The following UBE2G1 variants were observed in gnomAD, a reference collection of about 807,000 sequenced individuals.
UBE2G1 encodes ubiquitin conjugating enzyme E2 G1, also known as ubiquitin-conjugating enzyme E2 G1.
A neutral mutation model predicts 22.7 loss-of-function variants in UBE2G1; 5 were observed. That is an observed-to-expected ratio of 0.22 (90% confidence interval 0.12 to 0.46). The LOEUF (loss-of-function observed/expected upper bound fraction) is 0.46. Ranked by LOEUF, UBE2G1 falls within the 20% of genes least tolerant of loss-of-function variation. The pLI, the probability that UBE2G1 is intolerant of heterozygous loss-of-function variation, is 0.99. For missense variants in UBE2G1, 88 were observed against 203.9 expected (o/e 0.43, Z 3.46); for synonymous variants, 74 against 67.5 (o/e 1.10, Z -0.47).
chr17:4,365,932 G>A (rs998765871), intron 1 of UBE2G1, among the ~76,000 whole-genome samples: 65 of 152,048 alleles, frequency 4.3e-4, no homozygotes, highest in Admixed American at 1.1e-3. Flanking sequence ...CCCGGGACCC[G>A]CCCCTCCAAG....
intron 1 of UBE2G1, among the ~76,000 whole-genome samples, chr17:4,364,684 A>T (rs932354276): frequency 1.3e-5 from 2 of 151,352 alleles, no homozygotes; most frequent in South Asian, 4.2e-4. Context: ...CGTTCAAGCA[A>T]TTCTCCCGCC....
chr17:4,274,430 C>T (rs1313234674), intron 5 of UBE2G1, among the ~76,000 whole-genome samples: 1 of 152,042 alleles, frequency 6.6e-6, no homozygotes, highest in Admixed American at 6.5e-5. Flanking sequence ...ATCTTCTGAC[C>T]TCGTGATCTG....
intron 5 of UBE2G1, 101 bp from the exon 6 acceptor site, chr17:4,272,617 C>T (rs940697292): frequency 5.4e-6 from 1 of 186,358 alleles, no homozygotes; most frequent in African/African-American, 2.4e-5. Context: ...ACAACAAATC[C>T]TTAATTTCAT....
intron 1 of UBE2G1, among the ~76,000 whole-genome samples, chr17:4,348,228 A>C (rs1969802665): frequency 6.6e-6 from 1 of 152,102 alleles, no homozygotes. Context: ...ACTGCACTCC[A>C]GTCTAGGTGA....
At chr17:4,320,331 A>G (rs1598193108) in intron 1 of UBE2G1, among the ~76,000 whole-genome samples, 1 of 152,214 alleles carries the variant, frequency 6.6e-6, no homozygotes, top group African/African-American at 2.4e-5. Flanking sequence ...AGAGGTTTTT[A>G]TAGATTTTCT....
intron 1 of UBE2G1, among the ~76,000 whole-genome samples, chr17:4,355,634 C>G (rs1035064954): frequency 1.4e-5 from 2 of 142,992 alleles, no homozygotes; most frequent in Non-Finnish European, 3.0e-5. Flanking sequence ...AAGAGTGAAA[C>G]TCCATCTCAA....
intron 1 of UBE2G1, among the ~76,000 whole-genome samples, chr17:4,354,474 C>A (rs1403781594): frequency 1.3e-5 from 2 of 152,046 alleles, no homozygotes; most frequent in Non-Finnish European, 2.9e-5. Flanking sequence ...CTCAGGAGGT[C>A]TTTTAACTCT....
intron 1 of UBE2G1, among the ~76,000 whole-genome samples, chr17:4,357,052 T>C (rs776557569): frequency 2.0e-5 from 3 of 152,216 alleles, no homozygotes; most frequent in Middle Eastern, 3.4e-3. Context: ...CCATATACTT[T>C]ATAGTCCCCC....
At chr17:4,355,188 A>C (rs1328270296) in intron 1 of UBE2G1, among the ~76,000 whole-genome samples, 1 of 151,638 alleles carries the variant, frequency 6.6e-6, no homozygotes, top group Admixed American at 6.6e-5. Flanking sequence ...TCTTAGTAGA[A>C]ATGGGGTTTC....
intron 1 of UBE2G1, among the ~76,000 whole-genome samples, chr17:4,310,486 A>G (rs1275496128): frequency 1.3e-5 from 2 of 152,164 alleles, no homozygotes; most frequent in Admixed American, 1.3e-4. Flanking sequence ...TAGGTAGAGG[A>G]GCATGTACAA....
At chr17:4,315,112 T>C (rs1346372178) in intron 1 of UBE2G1, among the ~76,000 whole-genome samples, 1 of 152,030 alleles carries the variant, frequency 6.6e-6, no homozygotes, top group East Asian at 1.9e-4. Context: ...TACAGACAAA[T>C]GATCATGTTT....
At chr17:4,330,098 C>T (rs1167988839) in intron 1 of UBE2G1, among the ~76,000 whole-genome samples, 3 of 152,014 alleles carry the variant, frequency 2.0e-5, no homozygotes, top group Admixed American at 2.0e-4. Flanking sequence ...GCTAGACCAC[C>T]CAGAGCCATG....
intron 1 of UBE2G1, chr17:4,331,680 C>A (rs1184762653): frequency 6.6e-6 from 1 of 151,408 alleles, no homozygotes; most frequent in African/African-American, 2.4e-5. Context: ...TTAAAAAGAC[C>A]AGGTGGATTG....
At chr17:4,330,897 C>G (rs1040979693) in intron 1 of UBE2G1, among the ~76,000 whole-genome samples, 1 of 150,578 alleles carries the variant, frequency 6.6e-6, no homozygotes. Flanking sequence ...GTGCCCTGGC[C>G]AGAAAAATAA....
At chr17:4,303,210 G>A (rs998108179) in intron 2 of UBE2G1, among the ~76,000 whole-genome samples, 1 of 152,130 alleles carries the variant, frequency 6.6e-6, no homozygotes, top group African/African-American at 2.4e-5. Flanking sequence ...GGACTGCTGA[G>A]CAGTGACCCT....
chr17:4,293,189 T>C (rs1277068816), intron 3 of UBE2G1, among the ~76,000 whole-genome samples: 2 of 152,200 alleles, frequency 1.3e-5, no homozygotes, highest in African/African-American at 4.8e-5. Context: ...TTTCGGTCTC[T>C]ATGGATTTGT....
chr17:4,331,674 A>T (rs1485233457), intron 1 of UBE2G1: 1 of 152,240 alleles, frequency 6.6e-6, no homozygotes, highest in Non-Finnish European at 1.5e-5. Flanking sequence ...AGTATATTAA[A>T]AAGACCAGGT....
intron 1 of UBE2G1, among the ~76,000 whole-genome samples, chr17:4,356,463 G>A (rs181589308): frequency 1.5e-4 from 23 of 152,322 alleles, no homozygotes; most frequent in Middle Eastern, 3.4e-3. Flanking sequence ...TTGCGTTCCC[G>A]CAGCATCTCA....
chr17:4,307,501 A>G (rs774741645), intron 1 of UBE2G1, among the ~76,000 whole-genome samples: 3 of 152,230 alleles, frequency 2.0e-5, no homozygotes. Context: ...TGCTGTCTTC[A>G]GGGTATACTT....
Sources: allele counts gnomAD v4.1 joint callset (sites outside exome capture counted in the v4.1 genomes callset), GRCh38; gene constraint gnomAD v4.1.1; transcripts MANE v1.5; gene names NCBI Gene and HGNC (gene_info 2026-07-23, HGNC 2026-07-21).